EXOC4: variants seen among roughly 807,000 people sequenced by gnomAD.
The protein encoded by EXOC4 is SEC8-like 1.
Under a neutral mutation model 107.2 loss-of-function variants are expected in EXOC4, and 71 were observed. The ratio of observed to expected loss-of-function variants is 0.66; its 90% confidence interval spans 0.55 to 0.81. EXOC4 has a LOEUF of 0.81. Among genes scored for constraint, EXOC4 ranks in the 30% least tolerant of loss-of-function variants. The pLI, the probability that EXOC4 is intolerant of heterozygous loss-of-function variation, is 0.00. For missense variants in EXOC4, 1,108 were observed against 1,189.6 expected, an observed-to-expected ratio of 0.93 and a Z score of 1.01; for synonymous variants, 456 against 441.2, an observed-to-expected ratio of 1.03 and a Z score of -0.42.
intron 9 of EXOC4, among the ~76,000 whole-genome samples, chr7:133,496,973 A>G (rs1179759940): frequency 6.6e-6 from 1 of 152,188 alleles, no homozygotes; most frequent in East Asian, 1.9e-4. Context: ...AAGCAGCAGA[A>G]GGTGCTCTTC....
intron 17 of EXOC4, among the ~76,000 whole-genome samples, chr7:134,032,960 G>T (rs1164670813): frequency 6.6e-6 from 1 of 152,076 alleles, no homozygotes; most frequent in Non-Finnish European, 1.5e-5. Context: ...GGTATAAGAT[G>T]GCAGACTCAT....
chr7:133,435,146 A>AT (rs1375115495), intron 7 of EXOC4, among the ~76,000 whole-genome samples: 2 of 152,152 alleles, frequency 1.3e-5, no homozygotes, highest in African/African-American at 2.4e-5. Context: ...AAGGACTGTC[A>AT]TTTTGAACCT....
At chr7:133,501,318 TC>T (rs1257065566) in intron 9 of EXOC4, among the ~76,000 whole-genome samples, 1 of 152,198 alleles carries the variant, frequency 6.6e-6, no homozygotes, top group Admixed American at 6.5e-5. Flanking sequence ...GCAAATGGTA[TC>T]TGAAACTGAC....
At chr7:134,075,105 A>C in the EXOC4 span, among the ~76,000 whole-genome samples, 1 of 152,248 alleles carries the variant, frequency 6.6e-6, no homozygotes, top group East Asian at 1.9e-4. Flanking sequence ...AAACCTGCCT[A>C]GCAGGAGGCC....
chr7:134,064,726 T>A lies in EXOC4; in HGVS notation c.*198T>A. The stretch of plus-strand genomic sequence containing the variant: ...AGGCGACAGTACAGAGTGTTTTGGT[T>A]GAACAACTACTTTAATGCAGTCAAA... On this transcript the variant is annotated 3_prime_UTR_variant, in exon 18 of 18. Coordinates refer to ENST00000253861, the MANE Select transcript of EXOC4 (RefSeq NM_021807.4). 2.6e-6 allele frequency: 1 copy of A among 380,460 alleles called. No individual in the cohort carries two copies. Among genetic ancestry groups the A allele is most frequent in the Non-Finnish European group, 4.7e-6 (1 of 213,362 alleles). 23.6% of individuals were successfully genotyped at this position (380,460 alleles called of 1,614,324 possible). A position where few individuals can be genotyped will look rare whatever the true frequency, so the allele number is the denominator to read the frequency against.
intron 12 of EXOC4, among the ~76,000 whole-genome samples, chr7:133,902,061 C>T (rs911302930): frequency 1.3e-5 from 2 of 152,202 alleles, no homozygotes; most frequent in Non-Finnish European, 2.9e-5. Context: ...ATCCTCCTAG[C>T]TTCTAGTGAG....
At chr7:133,397,283 C>G (rs1796991604) in intron 7 of EXOC4, among the ~76,000 whole-genome samples, 1 of 100,522 alleles carries the variant, frequency 9.9e-6, no homozygotes, top group South Asian at 4.3e-4. Context: ...GCCACCACAC[C>G]CAGCCAAATT....
At chr7:133,578,307 T>TAA (rs1312202538) in intron 9 of EXOC4, among the ~76,000 whole-genome samples, 1 of 152,188 alleles carries the variant, frequency 6.6e-6, no homozygotes. Context: ...TCACTTTACT[T>TAA]AATGCTACAA....
Position 133,309,794 on chromosome 7 carries a change from G to A in EXOC4, c.656+3733G>A, listed in dbSNP as rs116281244. 1.6e-3 allele frequency among the ~76,000 whole-genome samples: 240 copies of A among 152,228 alleles called. 2 individuals are homozygous for A. Among genetic ancestry groups the A allele is most frequent in the African/African-American group, 5.5e-3 (227 of 41,548 alleles). On this transcript the variant is annotated intron_variant, in intron 4 of 17. Coordinates refer to ENST00000253861, the MANE Select transcript of EXOC4 (RefSeq NM_021807.4). ...ATCTCTACTGAAAGTGTAAAAGTTAGCCAGGCATGGTGGTACGTGCCTGTA... is the reference window on the plus strand; with the variant it reads ...ATCTCTACTGAAAGTGTAAAAGTTAACCAGGCATGGTGGTACGTGCCTGTA...
intron 10 of EXOC4, among the ~76,000 whole-genome samples, chr7:133,701,804 A>G (rs142612518): frequency 5.3e-4 from 81 of 152,282 alleles, no homozygotes; most frequent in African/African-American, 1.9e-3. Flanking sequence ...CATATACACC[A>G]TATACACATA....
At chr7:133,922,739 C>T (rs953383813) in intron 13 of EXOC4, among the ~76,000 whole-genome samples, 1 of 152,030 alleles carries the variant, frequency 6.6e-6, no homozygotes, top group African/African-American at 2.4e-5. Flanking sequence ...TCCCCAGCTA[C>T]TCAGGAGGCT....
intron 7 of EXOC4, among the ~76,000 whole-genome samples, chr7:133,425,617 C>G (rs1261093574): frequency 6.6e-6 from 1 of 152,176 alleles, no homozygotes; most frequent in Non-Finnish European, 1.5e-5. Context: ...ATCTGAAAGA[C>G]TGGCTCAGGT....
chr7:133,778,298 A>G (rs1796388056), intron 10 of EXOC4, among the ~76,000 whole-genome samples: 1 of 152,240 alleles, frequency 6.6e-6, no homozygotes, highest in African/African-American at 2.4e-5. Context: ...ATATTATCTC[A>G]TTTAAGACTT....
Position 133,558,197 on chromosome 7 carries a change from T to G in EXOC4, c.1418-71848T>G, listed in dbSNP as rs539229682. Among the ~76,000 whole-genome samples the G allele has an allele frequency of 3.1e-5, 3 of 97,438 alleles. No homozygotes were observed. The East Asian group carries it at 1.1e-3, about 36-fold the overall frequency. The allele number at this position is 97,438 out of a possible 152,430, so 63.9% of individuals were successfully genotyped here. On this transcript the variant is annotated intron_variant, in intron 9 of 17. Transcript: ENST00000253861. ...TGGTATTTTGGTTCCTTCTCTTTTCTTTTCTTTTCTTTTCTTTTCTTTTCT... is the reference window on the plus strand; with the variant it reads ...TGGTATTTTGGTTCCTTCTCTTTTCGTTTCTTTTCTTTTCTTTTCTTTTCT...
chr7:133,804,978 G>A (rs188045731), intron 10 of EXOC4, among the ~76,000 whole-genome samples: 2 of 152,178 alleles, frequency 1.3e-5, no homozygotes, highest in African/African-American at 4.8e-5. Flanking sequence ...GCCTAAACAA[G>A]CTGTAAAAAT....
intron 10 of EXOC4, among the ~76,000 whole-genome samples, chr7:133,682,158 A>G (rs1794201224): frequency 6.6e-6 from 1 of 152,088 alleles, no homozygotes; most frequent in Non-Finnish European, 1.5e-5. Flanking sequence ...TTGTCCTCCC[A>G]AAGTGCTGCG....
At chr7:133,594,746 C>A (rs957821791) in intron 9 of EXOC4, among the ~76,000 whole-genome samples, 1 of 152,102 alleles carries the variant, frequency 6.6e-6, no homozygotes, top group African/African-American at 2.4e-5. Context: ...CCTGCCTCGG[C>A]CTCCCAGAGT....
chr7:133,499,367 T>G (rs1330038219), intron 9 of EXOC4, among the ~76,000 whole-genome samples: 1 of 152,166 alleles, frequency 6.6e-6, no homozygotes, highest in Non-Finnish European at 1.5e-5. Context: ...AACAAATGCC[T>G]GATTTAGACA....
At chr7:133,708,475 T>C (rs1296108588) in intron 10 of EXOC4, among the ~76,000 whole-genome samples, 3 of 152,222 alleles carry the variant, frequency 2.0e-5, no homozygotes, top group African/African-American at 7.2e-5. Context: ...ATTTATTCAT[T>C]TATTTATTCA....
Sources: allele counts gnomAD v4.1 joint callset (sites outside exome capture counted in the v4.1 genomes callset), GRCh38; gene constraint gnomAD v4.1.1; transcripts MANE v1.5; gene names NCBI Gene and HGNC (gene_info 2026-07-23, HGNC 2026-07-21).